Variants in NEGR1 observed in about 807,000 individuals in gnomAD.
NEGR1 encodes neuronal growth regulator 1.
NEGR1 carries 10 observed loss-of-function variants against 40.9 expected under a neutral mutation model. The ratio of observed to expected loss-of-function variants is 0.24; its 90% CI spans 0.15 to 0.42. NEGR1 has a LOEUF of 0.42. NEGR1 is among the 10% of genes least tolerant of loss of function. NEGR1 has a pLI of 1.00. For synonymous variants in NEGR1, 185 were observed against 166.8 expected (o/e 1.11, Z -0.84); for missense variants, 352 against 438.9 (o/e 0.80, Z 1.77).
chr1:71,968,931 G>A (rs546228565), intron 1 of NEGR1, among the ~76,000 whole-genome samples: 90 of 152,150 alleles, frequency 5.9e-4, no homozygotes, highest in African/African-American at 2.1e-3. Flanking sequence ...TGGCTTCCTG[G>A]TAAAATCATT....
chr1:71,636,743 T>C (rs887204050), intron 4 of NEGR1, among the ~76,000 whole-genome samples: 9 of 152,092 alleles, frequency 5.9e-5, no homozygotes, highest in African/African-American at 2.2e-4. Flanking sequence ...AAAATGCCTA[T>C]TTTCATAACT....
At chr1:71,839,825 C>A (rs1301932684) in intron 2 of NEGR1, among the ~76,000 whole-genome samples, 1 of 152,098 alleles carries the variant, frequency 6.6e-6, no homozygotes, top group Non-Finnish European at 1.5e-5. Context: ...CTTCAAAGTG[C>A]TTCTTTTGCA....
intron 3 of NEGR1, among the ~76,000 whole-genome samples, chr1:71,708,033 C>T (rs1346664073): frequency 6.6e-6 from 1 of 151,924 alleles, no homozygotes; most frequent in African/African-American, 2.4e-5. Flanking sequence ...AAAAGGATTG[C>T]TACAAATAAG....
chr1:71,880,225 T>G (rs1450571568), intron 2 of NEGR1, among the ~76,000 whole-genome samples: 1 of 152,050 alleles, frequency 6.6e-6, no homozygotes, highest in Non-Finnish European at 1.5e-5. Context: ...ACAATTTTAT[T>G]GCAGAGAGGC....
At position 72,025,894 on chromosome 1, in the gene NEGR1, G is replaced by C. The variant is rs566708097; in HGVS notation, c.177-90583C>G. The stretch of plus-strand genomic sequence containing the variant: ...TGGGAGGCCGAGGCGGGCGGATCAC[G>C]AGGTCAGGAGATCGAGATCATCCCG... On this transcript the variant is annotated intron_variant, in intron 1 of 6. Transcript: ENST00000357731. 4.0e-5 allele frequency among the ~76,000 whole-genome samples: 6 copies of C among 151,634 alleles called. No individual in the cohort carries two copies. The East Asian group carries it at 1.2e-3, about 30-fold the overall frequency.
At chr1:71,469,038 G>T (rs974233274) in intron 6 of NEGR1, among the ~76,000 whole-genome samples, 1 of 151,980 alleles carries the variant, frequency 6.6e-6, no homozygotes, top group African/African-American at 2.4e-5. Context: ...TCGTAAAGAG[G>T]TTGTACAATA....
chr1:71,646,848 T>C (rs1214703439), intron 4 of NEGR1, among the ~76,000 whole-genome samples: 1 of 151,836 alleles, frequency 6.6e-6, no homozygotes, highest in Non-Finnish European at 1.5e-5. Context: ...GGACAACTCA[T>C]ACACAATTGA....
At chr1:71,747,477 C>T (rs780333089) in intron 3 of NEGR1, among the ~76,000 whole-genome samples, 33 of 150,076 alleles carry the variant, frequency 2.2e-4, no homozygotes, top group Non-Finnish European at 4.0e-4. Flanking sequence ...CAGGCTGGAG[C>T]GCAGTGGCAT....
intron 1 of NEGR1, among the ~76,000 whole-genome samples, chr1:72,152,571 A>T (rs1651164691): frequency 6.6e-6 from 1 of 152,040 alleles, no homozygotes; most frequent in Admixed American, 6.6e-5. Flanking sequence ...CAATCTGAAG[A>T]TTTATCAAAG....
intron 3 of NEGR1, among the ~76,000 whole-genome samples, chr1:71,750,113 C>T (rs954192306): frequency 4.6e-5 from 7 of 151,828 alleles, no homozygotes; most frequent in African/African-American, 1.7e-4. Flanking sequence ...CCTGCCTCAG[C>T]CTCCCGAGTA....
intron 3 of NEGR1, among the ~76,000 whole-genome samples, chr1:71,766,507 A>C (rs1297959262): frequency 6.6e-6 from 1 of 152,220 alleles, no homozygotes; most frequent in Non-Finnish European, 1.5e-5. Context: ...AGCCAGTAAC[A>C]CCTTTATCAA....
At chr1:71,940,854 T>A (rs1478272312) in intron 1 of NEGR1, among the ~76,000 whole-genome samples, 1 of 152,172 alleles carries the variant, frequency 6.6e-6, no homozygotes. Context: ...CTGTGGCTGC[T>A]GAGGAATGAT....
intron 3 of NEGR1, among the ~76,000 whole-genome samples, chr1:71,760,270 G>C (rs558107057): frequency 1.3e-5 from 2 of 152,154 alleles, no homozygotes; most frequent in East Asian, 1.9e-4. Flanking sequence ...ATCATATCAA[G>C]AGGCCCATTG....
At chr1:71,632,234 T>G (rs988565667) in intron 4 of NEGR1, among the ~76,000 whole-genome samples, 1 of 151,672 alleles carries the variant, frequency 6.6e-6, no homozygotes, top group Admixed American at 6.6e-5. Flanking sequence ...TGTATACATA[T>G]GCAATTATGT....
rs114056206 is a variant in NEGR1, at chr1:71,678,862, C to T, written c.667+19146G>A. ...GGATGGGATACCATATTGAGAAAAG[C>T]AAGGAAAGGGGAGTTTCAAAGGCAG... On this transcript the variant is annotated intron_variant, in intron 4 of 6. Coordinates refer to ENST00000357731, the MANE Select transcript of NEGR1 (RefSeq NM_173808.3). Among the ~76,000 whole-genome samples the T allele has an allele frequency of 4.3e-3, 648 of 152,080 alleles. 7 individuals are homozygous for T. The highest frequency in any genetic ancestry group is 0.015 in the African/African-American group (617 of 41,472).
chr1:71,611,219 A>G lies in NEGR1; in HGVS notation c.668-73T>C, dbSNP rs148555653. ...TCCTCAACAGAAATATGACACACAT[A>G]TATTTTTATTCCTTCTATATTCAAA... On this transcript the variant is annotated intron_variant, in intron 4 of 6. Transcript: ENST00000357731. 1.2e-3 allele frequency: 1,623 copies of G among 1,376,286 alleles called. 27 individuals are homozygous for G. In the African/African-American group the frequency reaches 0.022, roughly 18 times the overall value. The allele number at this position is 1,376,286 out of a possible 1,614,324, so 85.3% of individuals were successfully genotyped here. A position where few individuals can be genotyped will look rare whatever the true frequency, so the allele number is the denominator to read the frequency against.
At chr1:71,644,286 T>G (rs1221818281) in intron 4 of NEGR1, among the ~76,000 whole-genome samples, 3 of 151,948 alleles carry the variant, frequency 2.0e-5, no homozygotes, top group Admixed American at 1.3e-4. Context: ...CTAACTAGCT[T>G]CCTGCTTCCT....
chr1:71,584,188 C>A (rs1205202572), intron 6 of NEGR1, among the ~76,000 whole-genome samples: 3 of 152,138 alleles, frequency 2.0e-5, no homozygotes, highest in African/African-American at 4.8e-5. Flanking sequence ...AGAAAGGAAA[C>A]CCTGTCCACA....
At chr1:71,667,734 T>C (rs997830171) in intron 4 of NEGR1, among the ~76,000 whole-genome samples, 3 of 152,160 alleles carry the variant, frequency 2.0e-5, no homozygotes, top group African/African-American at 7.2e-5. Context: ...AAAGGCACAA[T>C]CTCCAAAGCT....
Sources: gnomAD v4.1 joint callset for allele counts (sites outside exome capture counted in the v4.1 genomes callset) on GRCh38, gnomAD v4.1.1 for gene constraint, MANE v1.5 for transcripts, NCBI Gene and HGNC (gene_info 2026-07-23, HGNC 2026-07-21) for gene names.